TMEM17: variants seen among roughly 807,000 people sequenced by gnomAD.
TMEM17 encodes the protein transmembrane protein 17.
Under a neutral mutation model 19.1 loss-of-function variants are expected in TMEM17, and 15 were observed. The observed-to-expected ratio is 0.78, with a 90% CI of 0.52 to 1.21. The LOEUF is 1.21. Ranked by LOEUF, TMEM17 falls within the 50% of genes most tolerant of loss-of-function variation. The pLI, the probability that TMEM17 is intolerant of heterozygous loss-of-function variation, is 0.00. For missense variants in TMEM17, 245 were observed against 242.3 expected, an observed-to-expected ratio of 1.01 and a Z score of -0.07; for synonymous variants, 103 against 86.9, an observed-to-expected ratio of 1.19 and a Z score of -1.03.
the TMEM17 span, among the ~76,000 whole-genome samples, chr2:62,474,101 G>A: frequency 4.6e-5 from 7 of 152,092 alleles, no homozygotes; most frequent in Admixed American, 1.3e-4. Flanking sequence ...TCAGGCTTTG[G>A]GAGTCCTCAA....
chr2:62,470,114 G>C, the TMEM17 span, among the ~76,000 whole-genome samples: 1 of 152,168 alleles, frequency 6.6e-6, no homozygotes, highest in Non-Finnish European at 1.5e-5. Flanking sequence ...CCATTAGTTG[G>C]TTTGTTTCCC....
chr2:62,498,727 A>AT (rs1294090013), downstream of TMEM17, among the ~76,000 whole-genome samples: 9 of 146,564 alleles, frequency 6.1e-5, no homozygotes, highest in African/African-American at 1.0e-4. Context: ...AAAATAAAAT[A>AT]AAATAAAATA....
the TMEM17 span, among the ~76,000 whole-genome samples, chr2:62,471,976 G>C: frequency 6.6e-6 from 1 of 152,250 alleles, no homozygotes; most frequent in Non-Finnish European, 1.5e-5. Flanking sequence ...CAGATGCGGA[G>C]TCAAGGACCC....
At chr2:62,491,293 A>G in the TMEM17 span, 11 of 152,064 alleles carry the variant, frequency 7.2e-5, no homozygotes, top group African/African-American at 2.2e-4. Flanking sequence ...TGGTGTCCAC[A>G]CTAAGTTCGG....
the TMEM17 span, among the ~76,000 whole-genome samples, chr2:62,468,471 C>T: frequency 6.6e-6 from 1 of 152,204 alleles, no homozygotes; most frequent in African/African-American, 2.4e-5. Flanking sequence ...CAGTGACTTC[C>T]AGTGGAATTA....
chr2:62,492,247 A>G, the TMEM17 span, among the ~76,000 whole-genome samples: 1 of 152,242 alleles, frequency 6.6e-6, no homozygotes, highest in Non-Finnish European at 1.5e-5. Context: ...TCTTCTGTTT[A>G]CTTGCTGTGT....
chr2:62,463,593 CA>C, the TMEM17 span, among the ~76,000 whole-genome samples: 1 of 152,154 alleles, frequency 6.6e-6, no homozygotes, highest in Non-Finnish European at 1.5e-5. Flanking sequence ...ATCAAGTGAT[CA>C]AGGTTGACAC....
the TMEM17 span, among the ~76,000 whole-genome samples, chr2:62,458,219 C>T: frequency 6.6e-6 from 1 of 152,172 alleles, no homozygotes; most frequent in Non-Finnish European, 1.5e-5. Context: ...TGGGCGGATC[C>T]CAGGAAGGTG....
At chr2:62,492,874 GA>G in the TMEM17 span, among the ~76,000 whole-genome samples, 1 of 152,198 alleles carries the variant, frequency 6.6e-6, no homozygotes, top group Admixed American at 6.5e-5. Flanking sequence ...AGTTTGGAGG[GA>G]AAGTCTGCAG....
the TMEM17 span, among the ~76,000 whole-genome samples, chr2:62,490,149 C>T: frequency 6.6e-6 from 1 of 152,158 alleles, no homozygotes; most frequent in Admixed American, 6.5e-5. Context: ...GCACTCCAGC[C>T]TGGGTGACAG....
the TMEM17 span, among the ~76,000 whole-genome samples, chr2:62,462,242 C>T: frequency 6.6e-6 from 1 of 152,154 alleles, no homozygotes; most frequent in African/African-American, 2.4e-5. Context: ...CCATAGGGGT[C>T]TCAGGCCACC....
At chr2:62,454,356 TC>T in the TMEM17 span, among the ~76,000 whole-genome samples, 3 of 152,198 alleles carry the variant, frequency 2.0e-5, no homozygotes, top group African/African-American at 4.8e-5. Context: ...TTTGTGTGAA[TC>T]GTGGCTGCAT....
chr2:62,465,022 T>C, the TMEM17 span, among the ~76,000 whole-genome samples: 2 of 152,226 alleles, frequency 1.3e-5, no homozygotes, highest in Non-Finnish European at 2.9e-5. Flanking sequence ...TGAATGACTC[T>C]TAAGCCATAA....
At chr2:62,487,394 AT>A in the TMEM17 span, among the ~76,000 whole-genome samples, 2 of 152,154 alleles carry the variant, frequency 1.3e-5, no homozygotes, top group Admixed American at 6.6e-5. Context: ...TACTCTCCTT[AT>A]TTTAAAGTCA....
At chr2:62,495,635 A>G (rs924217322), downstream of TMEM17, among the ~76,000 whole-genome samples, 2 of 148,816 alleles carry the variant, frequency 1.3e-5, no homozygotes, top group Admixed American at 1.3e-4. Flanking sequence ...TTACATGCTA[A>G]CCAATTTACA....
At chr2:62,476,562 G>A in the TMEM17 span, among the ~76,000 whole-genome samples, 1 of 152,206 alleles carries the variant, frequency 6.6e-6, no homozygotes, top group African/African-American at 2.4e-5. Context: ...TAAACCCATT[G>A]TAAAGTTGAA....
rs373755898 is a variant in TMEM17, at chr2:62,502,587, T to C, written c.205-37A>G. 4.2e-5 allele frequency: 63 copies of C among 1,492,472 alleles called. 1 individual carries two copies. The Middle Eastern group carries it at 5.2e-4, about 12-fold the overall frequency. 92.5% of individuals were successfully genotyped at this position (1,492,472 alleles called of 1,614,324 possible). A position where few individuals can be genotyped will look rare whatever the true frequency, so the allele number is the denominator to read the frequency against. On this transcript the variant is annotated intron_variant, in intron 2 of 3. Transcript: ENST00000335390. ...GCCAAAACATGTTTGTAAAATCTCA[T>C]GTATAGTAACATTGATTTAAGATAG... is the stretch of plus-strand genomic sequence containing the variant.
At chr2:62,486,711 T>C in the TMEM17 span, among the ~76,000 whole-genome samples, 1 of 152,198 alleles carries the variant, frequency 6.6e-6, no homozygotes, top group Non-Finnish European at 1.5e-5. Flanking sequence ...AGGGACAGGA[T>C]GCAAGGATCA....
At chr2:62,501,986 A>T (rs1040263713) in intron 3 of TMEM17, 1 of 164,928 alleles carries the variant, frequency 6.1e-6, no homozygotes, top group African/African-American at 2.4e-5. Context: ...ATCTTTAGGC[A>T]TTATCCCTAT....
Sources: allele counts gnomAD v4.1 joint callset (sites outside exome capture counted in the v4.1 genomes callset), GRCh38; gene constraint gnomAD v4.1.1; transcripts MANE v1.5; gene names NCBI Gene and HGNC (gene_info 2026-07-23, HGNC 2026-07-21).